The following MED22 variants were observed in gnomAD, a reference collection of about 807,000 sequenced individuals.
MED22 encodes mediator complex subunit 22.
MED22 carries 22 observed loss-of-function variants against 22.7 expected under a neutral mutation model. The observed-to-expected ratio is 0.97, with a 90% CI of 0.69 to 1.38. The LOEUF is 1.38. Among genes scored for constraint, MED22 ranks in the 40% most tolerant of loss-of-function variants. MED22 has a pLI of 0.00. For synonymous variants in MED22, 134 were observed against 119.4 expected (o/e 1.12, Z -0.80); for missense variants, 247 against 263.0 (o/e 0.94, Z 0.42).
At position 133,342,268 on chromosome 9, in the gene MED22, C is replaced by T. The variant is rs2129952630; in HGVS notation, c.414-574G>A. Reference sequence around the variant, plus strand: ...CCACCTCTAACACGGGGAATCCTCACGGCAGCCAGGATGCAGGTGAAGAGC... The same window carrying T: ...CCACCTCTAACACGGGGAATCCTCATGGCAGCCAGGATGCAGGTGAAGAGC... On this transcript the variant is annotated intron_variant, in intron 4 of 4. Transcript: ENST00000343730. 20 of 986,102 alleles carry T rather than the reference C, an allele frequency of 2.0e-5. No homozygotes were observed. In the South Asian group the frequency reaches 2.8e-4, roughly 14 times the overall value. 61.1% of individuals were successfully genotyped at this position (986,102 alleles called of 1,614,324 possible). A position where few individuals can be genotyped will look rare whatever the true frequency, so the allele number is the denominator to read the frequency against.
At chr9:133,343,767 G>A (rs2129957750) in intron 4 of MED22, 3 of 1,335,980 alleles carry the variant, frequency 2.2e-6, no homozygotes, top group African/African-American at 2.9e-5. Context: ...TATGGATTCA[G>A]AAGGTAACAG....
chr9:133,346,752 C>A, intron 1 of MED22, 52 bp from the exon 2 acceptor site: 2 of 1,480,868 alleles, frequency 1.4e-6, no homozygotes, highest in Non-Finnish European at 9.1e-7. Context: ...CCCAGCCACC[C>A]TCTATGCCCC....
chr9:133,339,071 G>A lies in MED22; in HGVS notation c.*2434C>T. The A allele has an allele frequency of 2.9e-6, 2 of 689,836 alleles. No individual in the cohort carries two copies. 42.7% of individuals were successfully genotyped at this position (689,836 alleles called of 1,614,324 possible). On this transcript the variant is annotated 3_prime_UTR_variant, in exon 5 of 5. Transcript: ENST00000343730. ...CAGAAAACATGCAGTTGTTCCTTTG[G>A]CCAAGTATATGCAAATTGATGAGAA...
chr9:133,343,664 A>G, intron 4 of MED22: 2 of 1,256,070 alleles, frequency 1.6e-6, no homozygotes, highest in Non-Finnish European at 2.0e-6. Context: ...GTTTGGTGAC[A>G]TCCACATGGA....
intron 4 of MED22, chr9:133,342,625 A>G (rs1836041395): frequency 1.0e-5 from 10 of 986,070 alleles, no homozygotes; most frequent in Non-Finnish European, 1.2e-5. Flanking sequence ...CTCGGCCAGG[A>G]CCTGGTCGCT....
At chr9:133,345,323 A>G in intron 2 of MED22, 71 bp from the exon 3 acceptor site, 1 of 1,453,440 alleles carries the variant, frequency 6.9e-7, no homozygotes, top group East Asian at 2.4e-5. Context: ...GGCCCAGCCC[A>G]GCTTACGGTA....
Position 133,344,146 on chromosome 9 carries a change from T to A in MED22, c.392A>T (p.Glu131Val). ...ATACCTGGACGAGTAATACTCCTCC[T>A]CCAGCTCGTAGAGGTCAATGGAGAT... ...DEISIDLYEL[E>V]EEYYSSSSSL... The change falls in exon 4 of 5, where the codon GAG (glutamate) becomes GTG (valine). Residue 131 changes from glutamate (E) to valine (V), a missense_variant. Transcript: ENST00000343730. 1 of 1,614,150 alleles carries A rather than the reference T, an allele frequency of 6.2e-7. No individual in the cohort carries two copies. Among genetic ancestry groups the A allele is most frequent in the Non-Finnish European group, 8.5e-7 (1 of 1,180,032 alleles).
At position 133,342,523 on chromosome 9, in the gene MED22, C is replaced by T. The variant is rs2129953665; in HGVS notation, c.414-829G>A. 71 of 986,712 alleles carry T rather than the reference C, an allele frequency of 7.2e-5. 1 individual carries two copies. In the Middle Eastern group the frequency reaches 1.6e-3, roughly 22 times the overall value. The allele number at this position is 986,712 out of a possible 1,614,324, so 61.1% of individuals were successfully genotyped here. A position where few individuals can be genotyped will look rare whatever the true frequency, so the allele number is the denominator to read the frequency against. ...AACTAACAAGCAGAGAGGGGGCAGG[C>T]GAGCACAGAGGCGCAGCTCATGCGG... On this transcript the variant is annotated intron_variant, in intron 4 of 4. Transcript: ENST00000343730.
chr9:133,346,821 A>C (rs1178463394), intron 1 of MED22, 121 bp from the exon 2 acceptor site: 2 of 907,036 alleles, frequency 2.2e-6, no homozygotes, highest in Non-Finnish European at 3.2e-6. Context: ...AAAGTCAATC[A>C]CTGAAACACA....
At chr9:133,343,547 ATAAG>A (rs1836077760) in intron 4 of MED22, 22 of 1,238,696 alleles carry the variant, frequency 1.8e-5, no homozygotes, top group Non-Finnish European at 2.1e-5. Flanking sequence ...AGCTCCGTGG[ATAAG>A]GCTGAGTGGG....
chr9:133,342,293 C>G, intron 4 of MED22: 9 of 986,176 alleles, frequency 9.1e-6, no homozygotes, highest in Non-Finnish European at 1.1e-5. Flanking sequence ...AGGTGAAGAG[C>G]TCAGCTAGCC....
intron 1 of MED22, 103 bp from the exon 2 acceptor site, chr9:133,346,803 T>C: frequency 9.4e-7 from 1 of 1,061,538 alleles, no homozygotes; most frequent in Admixed American, 2.8e-5. Context: ...ATTCCCTTTC[T>C]GCCAAATAAA....
chr9:133,339,111 A>T lies in MED22; in HGVS notation c.*2394T>A, dbSNP rs1432322496. On this transcript the variant is annotated 3_prime_UTR_variant, in exon 5 of 5. Coordinates refer to ENST00000343730, the MANE Select transcript of MED22 (RefSeq NM_133640.5). ...ATTGATGAGAAAGGTGATATTGTAG[A>T]TATCAAGGGAATGGGTACTGTTCAA... is the stretch of plus-strand genomic sequence containing the variant. 3 of 672,524 alleles carry T rather than the reference A, an allele frequency of 4.5e-6. No individual in the cohort carries two copies. The highest frequency in any genetic ancestry group is 8.4e-6 in the Non-Finnish European group (3 of 359,014). The allele number at this position is 672,524 out of a possible 1,614,324, so 41.7% of individuals were successfully genotyped here.
chr9:133,343,511 C>T lies in MED22; in HGVS notation c.413+614G>A, dbSNP rs2129956940. 5.7e-3 allele frequency: 7,084 copies of T among 1,236,510 alleles called. 284 individuals are homozygous for T. In the African/African-American group the frequency reaches 0.095, roughly 17 times the overall value. 76.6% of individuals were successfully genotyped at this position (1,236,510 alleles called of 1,614,324 possible). A position where few individuals can be genotyped will look rare whatever the true frequency, so the allele number is the denominator to read the frequency against. ...CCTTCTGCATCCCTGGGACCCAGCA[C>T]GGGGCCTGGCACGTAGGTTGGCTCC... On this transcript the variant is annotated intron_variant, in intron 4 of 4. Transcript: ENST00000343730.
rs1357619581 is a variant in MED22 at position 133,338,523 on chromosome 9, C to T, written c.*2982G>A. The T allele has an allele frequency of 1.2e-5, 2 of 165,758 alleles. No homozygotes were observed. The highest frequency in any genetic ancestry group is 1.2e-4 in the Admixed American group (2 of 16,984). 10.3% of individuals were successfully genotyped at this position (165,758 alleles called of 1,614,324 possible). A position where few individuals can be genotyped will look rare whatever the true frequency, so the allele number is the denominator to read the frequency against. ...GTTTCTCCATGTTGGTCAGGCTGGTCTGGAACTCCCGACCTCAGGTGATCT... is the reference window on the plus strand; with the variant it reads ...GTTTCTCCATGTTGGTCAGGCTGGTTTGGAACTCCCGACCTCAGGTGATCT... On this transcript the variant is annotated 3_prime_UTR_variant, in exon 5 of 5. Coordinates refer to ENST00000343730, the MANE Select transcript of MED22 (RefSeq NM_133640.5).
chr9:133,345,614 T>C (rs1369870412), intron 2 of MED22, among the ~76,000 whole-genome samples: 2 of 152,210 alleles, frequency 1.3e-5, no homozygotes, highest in South Asian at 2.1e-4. Context: ...TTTGGTAAAC[T>C]GTTGGATGAG....
chr9:133,345,115 C>T, intron 3 of MED22, 57 bp downstream of exon 3: 1 of 1,574,670 alleles, frequency 6.4e-7, no homozygotes, highest in South Asian at 1.1e-5. Flanking sequence ...ACCCAGGAAA[C>T]CTGAGGGGAC....
chr9:133,343,388 T>C (rs1184512661), intron 4 of MED22: 1 of 1,228,442 alleles, frequency 8.1e-7, no homozygotes, highest in Admixed American at 4.2e-5. Context: ...AAGTAAATGA[T>C]ACGTAGACTC....
intron 4 of MED22, chr9:133,343,289 G>A (rs1383734748): frequency 8.2e-7 from 1 of 1,226,090 alleles, no homozygotes; most frequent in East Asian, 3.2e-5. Flanking sequence ...GATGGACATG[G>A]ACTCTGCATC....
Sources: allele counts gnomAD v4.1 joint callset (sites outside exome capture counted in the v4.1 genomes callset), GRCh38; gene constraint gnomAD v4.1.1; transcripts MANE v1.5; gene names NCBI Gene and HGNC (gene_info 2026-07-23, HGNC 2026-07-21).